Variants in SPOCK3 observed in about 807,000 individuals in gnomAD.
SPOCK3 encodes the protein SPARC (osteonectin), cwcv and kazal like domains proteoglycan 3, also known as testican-3.
SPOCK3 carries 30 observed loss-of-function variants against 56.6 expected under a neutral mutation model. The observed-to-expected ratio is 0.53, with a 90% CI of 0.40 to 0.72. SPOCK3 has a LOEUF of 0.72. Among genes scored for constraint, SPOCK3 ranks in the 30% least tolerant of loss-of-function variants. SPOCK3 has a pLI of 0.00. For missense variants in SPOCK3, 527 were observed against 530.0 expected (o/e 0.99, Z 0.06); for synonymous variants, 196 against 183.3 (o/e 1.07, Z -0.56).
At chr4:166,923,735 G>T (rs190017878) in intron 4 of SPOCK3, among the ~76,000 whole-genome samples, 2 of 152,252 alleles carry the variant, frequency 1.3e-5, no homozygotes, top group Admixed American at 1.3e-4. Flanking sequence ...CCAACTGTAG[G>T]TTCCCAAACA....
At chr4:167,014,654 T>A (rs1214099944) in intron 3 of SPOCK3, among the ~76,000 whole-genome samples, 1 of 151,954 alleles carries the variant, frequency 6.6e-6, no homozygotes, top group Non-Finnish European at 1.5e-5. Context: ...TATCCTGTTT[T>A]TAATTTTTTT....
At chr4:166,971,629 T>TAGATG (rs1451381054) in intron 4 of SPOCK3, among the ~76,000 whole-genome samples, 2 of 152,138 alleles carry the variant, frequency 1.3e-5, no homozygotes, top group Non-Finnish European at 2.9e-5. Flanking sequence ...TATTCAGTAT[T>TAGATG]AGATGTGAAT....
chr4:167,110,417 T>G (rs961408680), intron 2 of SPOCK3, among the ~76,000 whole-genome samples: 1 of 152,074 alleles, frequency 6.6e-6, no homozygotes, highest in African/African-American at 2.4e-5. Flanking sequence ...TGTCTTTACG[T>G]TTTTTAAGAA....
intron 7 of SPOCK3, among the ~76,000 whole-genome samples, chr4:166,776,421 GA>G (rs955017935): frequency 6.8e-6 from 1 of 147,668 alleles, no homozygotes; most frequent in Admixed American, 6.8e-5. Context: ...CAAAACAAAA[GA>G]AAACAAAAAA....
intron 4 of SPOCK3, among the ~76,000 whole-genome samples, chr4:166,977,860 A>G (rs889826365): frequency 4.6e-5 from 7 of 152,202 alleles, no homozygotes; most frequent in Admixed American, 4.6e-4. Flanking sequence ...GAATCAGTAT[A>G]GCATTAGATC....
intron 6 of SPOCK3, among the ~76,000 whole-genome samples, chr4:166,810,406 T>C (rs1371443308): frequency 1.3e-5 from 2 of 152,122 alleles, no homozygotes; most frequent in African/African-American, 4.8e-5. Flanking sequence ...GTCCTTGTAC[T>C]TTCTCAAAAA....
intron 6 of SPOCK3, among the ~76,000 whole-genome samples, chr4:166,845,091 T>C (rs927339528): frequency 6.6e-6 from 1 of 152,248 alleles, no homozygotes; most frequent in African/African-American, 2.4e-5. Context: ...AATAATTATG[T>C]TAAACAATAT....
At chr4:167,055,502 T>G (rs1175156911) in intron 3 of SPOCK3, among the ~76,000 whole-genome samples, 1 of 152,138 alleles carries the variant, frequency 6.6e-6, no homozygotes, top group Non-Finnish European at 1.5e-5. Flanking sequence ...GGTGAGGCAT[T>G]GCCTCACATG....
chr4:166,897,225 T>A (rs1248211330), intron 5 of SPOCK3, among the ~76,000 whole-genome samples: 21 of 152,134 alleles, frequency 1.4e-4, no homozygotes, highest in Non-Finnish European at 2.9e-4. Context: ...TTGTCTAATA[T>A]TAATAGAATT....
intron 2 of SPOCK3, among the ~76,000 whole-genome samples, chr4:167,116,626 T>C (rs1331533467): frequency 4.4e-5 from 4 of 91,306 alleles, no homozygotes; most frequent in African/African-American, 1.2e-4. Flanking sequence ...TATATATACA[T>C]ATATACTATA....
chr4:166,793,229 A>C (rs1011194491), intron 6 of SPOCK3, among the ~76,000 whole-genome samples: 6 of 152,238 alleles, frequency 3.9e-5, no homozygotes, highest in Non-Finnish European at 7.4e-5. Context: ...ATGCAATTAT[A>C]GTATGTTTTA....
In SPOCK3 at chr4:167,073,612, C is replaced by A. The variant is rs143156282; in HGVS notation, c.190-11075G>T. On this transcript the variant is annotated intron_variant, in intron 2 of 10. Transcript: ENST00000357545. ...TTTGAGTCCTTTATTGTGATTAATACCTGTGAATACCTTCTTTGAACATAT... is the reference window on the plus strand; with the variant it reads ...TTTGAGTCCTTTATTGTGATTAATAACTGTGAATACCTTCTTTGAACATAT... 2.6e-5 allele frequency among the ~76,000 whole-genome samples: 4 copies of A among 151,826 alleles called. No homozygotes were observed. The East Asian group carries it at 7.8e-4, about 30-fold the overall frequency.
At chr4:167,015,659 G>T (rs928138860) in intron 3 of SPOCK3, among the ~76,000 whole-genome samples, 1 of 152,034 alleles carries the variant, frequency 6.6e-6, no homozygotes, top group African/African-American at 2.4e-5. Flanking sequence ...AAAACAATCC[G>T]TTGGAAAGTA....
chr4:167,012,480 T>C (rs1212705584), intron 3 of SPOCK3, among the ~76,000 whole-genome samples: 1 of 151,884 alleles, frequency 6.6e-6, no homozygotes, highest in Non-Finnish European at 1.5e-5. Flanking sequence ...TACATTTAGG[T>C]GATGTAGTTA....
At chr4:167,042,229 C>T (rs564238301) in intron 3 of SPOCK3, among the ~76,000 whole-genome samples, 27 of 152,070 alleles carry the variant, frequency 1.8e-4, no homozygotes, top group Non-Finnish European at 2.4e-4. Context: ...CTATGAGTTT[C>T]GAATCAGGGG....
chr4:167,210,913 T>G (rs1248753963), intron 2 of SPOCK3, among the ~76,000 whole-genome samples: 1 of 152,170 alleles, frequency 6.6e-6, no homozygotes, highest in Non-Finnish European at 1.5e-5. Flanking sequence ...ACACTTCTGA[T>G]TTACTGGAAA....
chr4:167,206,517 G>A (rs1212224620), intron 2 of SPOCK3, among the ~76,000 whole-genome samples: 2 of 151,894 alleles, frequency 1.3e-5, no homozygotes, highest in Non-Finnish European at 2.9e-5. Flanking sequence ...CTATTATGTT[G>A]TTTAAAAAGT....
intron 3 of SPOCK3, among the ~76,000 whole-genome samples, chr4:167,029,343 T>G (rs1190081574): frequency 6.6e-6 from 1 of 152,070 alleles, no homozygotes; most frequent in African/African-American, 2.4e-5. Flanking sequence ...AAATTAAATT[T>G]ACCATCTTCT....
intron 3 of SPOCK3, among the ~76,000 whole-genome samples, chr4:167,014,553 G>A (rs1750414897): frequency 6.6e-6 from 1 of 152,054 alleles, no homozygotes; most frequent in Non-Finnish European, 1.5e-5. Context: ...TACTCACAAA[G>A]TTAAGGCAGA....
Sources: gnomAD v4.1 joint callset for allele counts (sites outside exome capture counted in the v4.1 genomes callset) on GRCh38, gnomAD v4.1.1 for gene constraint, MANE v1.5 for transcripts, NCBI Gene and HGNC (gene_info 2026-07-23, HGNC 2026-07-21) for gene names.